SMYD3: variants seen among roughly 807,000 people sequenced by gnomAD.
The protein encoded by SMYD3 is histone-lysine N-methyltransferase SMYD3.
SMYD3 carries 36 observed loss-of-function variants against 57.7 expected under a neutral mutation model. The ratio of observed to expected loss-of-function variants is 0.62; its 90% CI spans 0.48 to 0.82. The LOEUF is 0.82. Ranked by LOEUF, SMYD3 falls within the 40% of genes least tolerant of loss-of-function variation. The probability of loss-of-function intolerance (pLI) is 0.00; values close to 1 mark genes in which losing one functional copy is unlikely to be tolerated. For missense variants in SMYD3, 515 were observed against 538.8 expected (o/e 0.96, Z 0.44); for synonymous variants, 211 against 195.0 (o/e 1.08, Z -0.68).
chr1:246,233,979 C>G (rs566562872), intron 5 of SMYD3, among the ~76,000 whole-genome samples: 5,185 of 136,876 alleles, frequency 0.038, 70 homozygotes, highest in African/African-American at 0.072. Context: ...AGCACTCCTT[C>G]AATTCACACT....
intron 10 of SMYD3, among the ~76,000 whole-genome samples, chr1:245,803,008 C>G (rs577717618): frequency 1.3e-5 from 2 of 152,348 alleles, no homozygotes; most frequent in South Asian, 4.1e-4. Flanking sequence ...CCTCTCAAAA[C>G]TGCCAGAAAT....
intron 10 of SMYD3, among the ~76,000 whole-genome samples, chr1:245,798,541 T>G (rs1004931468): frequency 3.6e-5 from 5 of 137,292 alleles, no homozygotes; most frequent in Non-Finnish European, 7.9e-5. Context: ...CCACCCAGCT[T>G]CTTAATCTGC....
chr1:245,954,249 A>G lies in SMYD3; in HGVS notation c.532-24312T>C, dbSNP rs547052628. 2.6e-5 allele frequency among the ~76,000 whole-genome samples: 4 copies of G among 152,346 alleles called. No individual in the cohort carries two copies. In the South Asian group the frequency reaches 8.3e-4, roughly 32 times the overall value. On this transcript the variant is annotated intron_variant, in intron 5 of 11. Transcript: ENST00000490107. ...CTCAGACAAGCGTTTTAAAGATGCT[A>G]GTTAAAATGTAGTTGGTAGCTAGTT...
chr1:246,246,630 C>A (rs189139267), intron 5 of SMYD3, among the ~76,000 whole-genome samples: 48 of 152,012 alleles, frequency 3.2e-4, no homozygotes, highest in South Asian at 1.5e-3. Flanking sequence ...ATAAGAATAC[C>A]ACCTACTGGA....
At chr1:246,204,354 C>A (rs2062964993) in intron 5 of SMYD3, among the ~76,000 whole-genome samples, 1 of 152,156 alleles carries the variant, frequency 6.6e-6, no homozygotes, top group Non-Finnish European at 1.5e-5. Context: ...TGCTGAAGCC[C>A]CCATATCTTA....
At chr1:245,764,401 C>T (rs1233894066) in intron 10 of SMYD3, among the ~76,000 whole-genome samples, 1 of 148,470 alleles carries the variant, frequency 6.7e-6, no homozygotes, top group East Asian at 2.0e-4. Context: ...CTCATAAACA[C>T]TAGAGAAGAG....
intron 10 of SMYD3, among the ~76,000 whole-genome samples, chr1:245,803,703 T>C (rs1572380548): frequency 6.6e-6 from 1 of 152,228 alleles, no homozygotes; most frequent in East Asian, 1.9e-4. Flanking sequence ...TCATTATTTC[T>C]AGAGTTAACA....
intron 5 of SMYD3, among the ~76,000 whole-genome samples, chr1:246,188,255 C>T (rs1351807818): frequency 6.6e-6 from 1 of 151,988 alleles, no homozygotes; most frequent in Non-Finnish European, 1.5e-5. Flanking sequence ...TGGCCTAGAG[C>T]TAGAAATACA....
At chr1:246,393,774 T>C (rs1402198105) in intron 1 of SMYD3, among the ~76,000 whole-genome samples, 1 of 151,844 alleles carries the variant, frequency 6.6e-6, no homozygotes, top group African/African-American at 2.4e-5. Flanking sequence ...GAGGACTGCT[T>C]GACCCTGGGA....
chr1:246,483,028 T>A (rs375920913), intron 1 of SMYD3, among the ~76,000 whole-genome samples: 1 of 152,194 alleles, frequency 6.6e-6, no homozygotes, highest in Non-Finnish European at 1.5e-5. Flanking sequence ...GTTGAGCTCA[T>A]TGCCCCTCTC....
intron 10 of SMYD3, among the ~76,000 whole-genome samples, chr1:245,797,828 CAAAAAAA>C (rs559088835): frequency 9.1e-6 from 1 of 109,430 alleles, no homozygotes; most frequent in African/African-American, 3.8e-5. Context: ...TTCCGGGTTC[CAAAAAAA>C]AAAAAAAAAA....
chr1:246,505,393 A>G (rs1376664049), intron 1 of SMYD3, among the ~76,000 whole-genome samples: 2 of 151,258 alleles, frequency 1.3e-5, no homozygotes, highest in Non-Finnish European at 2.9e-5. Context: ...AGAATGGTTG[A>G]GAGAATCACT....
At chr1:246,477,736 A>T (rs2068046573) in intron 1 of SMYD3, among the ~76,000 whole-genome samples, 2 of 152,214 alleles carry the variant, frequency 1.3e-5, no homozygotes, top group Non-Finnish European at 2.9e-5. Flanking sequence ...ATTTGAGTCC[A>T]GCTCTATCAG....
intron 5 of SMYD3, among the ~76,000 whole-genome samples, chr1:246,119,140 C>T (rs1387890803): frequency 6.6e-6 from 1 of 152,162 alleles, no homozygotes; most frequent in Non-Finnish European, 1.5e-5. Context: ...CTCGCCTCAG[C>T]TTTCCAAGTA....
At chr1:246,005,136 A>C (rs1193480238) in intron 5 of SMYD3, among the ~76,000 whole-genome samples, 1 of 152,196 alleles carries the variant, frequency 6.6e-6, no homozygotes, top group Non-Finnish European at 1.5e-5. Flanking sequence ...TGCATGAGCC[A>C]CTGGGACTGG....
intron 5 of SMYD3, among the ~76,000 whole-genome samples, chr1:245,981,204 T>C (rs148017975): frequency 6.5e-4 from 99 of 152,306 alleles, no homozygotes; most frequent in Middle Eastern, 3.4e-3. Flanking sequence ...CAAATAAATA[T>C]TGAGGTTTTA....
intron 5 of SMYD3, among the ~76,000 whole-genome samples, chr1:246,031,582 A>T (rs2059674917): frequency 1.3e-5 from 2 of 151,918 alleles, no homozygotes; most frequent in Admixed American, 1.3e-4. Flanking sequence ...CTAAAAATAT[A>T]AAAAATTAGC....
chr1:245,848,604 G>A (rs1336649771), intron 10 of SMYD3, among the ~76,000 whole-genome samples: 1 of 152,020 alleles, frequency 6.6e-6, no homozygotes, highest in Non-Finnish European at 1.5e-5. Flanking sequence ...TAGAGATGAA[G>A]TCTTGCTGTG....
At chr1:245,991,836 C>T (rs2058820051) in intron 5 of SMYD3, among the ~76,000 whole-genome samples, 1 of 99,246 alleles carries the variant, frequency 1.0e-5, no homozygotes, top group Non-Finnish European at 2.0e-5. Context: ...GGCCTGCCGT[C>T]ATTTCTATCA....
Sources: gnomAD v4.1 joint callset for allele counts (sites outside exome capture counted in the v4.1 genomes callset) on GRCh38, gnomAD v4.1.1 for gene constraint, MANE v1.5 for transcripts, NCBI Gene and HGNC (gene_info 2026-07-23, HGNC 2026-07-21) for gene names.